ADGRB3: variants seen among roughly 807,000 people sequenced by gnomAD.
ADGRB3 encodes brain-specific angiogenesis inhibitor 3.
A neutral mutation model predicts 193.4 loss-of-function variants in ADGRB3; 37 were observed. That is an observed-to-expected ratio of 0.19 (90% confidence interval 0.15 to 0.25). ADGRB3 has a LOEUF of 0.25. Ranked by LOEUF, ADGRB3 falls within the 10% of genes least tolerant of loss-of-function variation. The pLI is 1.00. For synonymous variants in ADGRB3, 690 were observed against 644.2 expected (o/e 1.07, Z -1.08); for missense variants, 1,637 against 1,852.9 (o/e 0.88, Z 2.14).
chr6:69,167,192 A>G (rs79569436), intron 17 of ADGRB3, among the ~76,000 whole-genome samples: 228 of 152,250 alleles, frequency 1.5e-3, no homozygotes, highest in African/African-American at 5.1e-3. Flanking sequence ...TGCAAACTGT[A>G]TAGATAATTG....
chr6:69,058,827 C>T (rs2150306148), intron 15 of ADGRB3, among the ~76,000 whole-genome samples: 1 of 152,120 alleles, frequency 6.6e-6, no homozygotes, highest in African/African-American at 2.4e-5. Flanking sequence ...AGATTTCACT[C>T]TTCTTCAATT....
At chr6:68,832,715 A>G (rs138757440) in intron 3 of ADGRB3, among the ~76,000 whole-genome samples, 1,595 of 152,266 alleles carry the variant, frequency 0.01, 26 homozygotes, top group African/African-American at 0.036. Flanking sequence ...CATGGCCACA[A>G]ATTCACTCTC....
chr6:68,647,194 A>AT (rs1378630323), intron 3 of ADGRB3, among the ~76,000 whole-genome samples: 1 of 152,126 alleles, frequency 6.6e-6, no homozygotes, highest in Non-Finnish European at 1.5e-5. Context: ...TCACTGAGGT[A>AT]TTTTTCATTA....
intron 3 of ADGRB3, among the ~76,000 whole-genome samples, chr6:68,649,811 A>G (rs1034632974): frequency 1.3e-5 from 2 of 152,134 alleles, no homozygotes; most frequent in Admixed American, 6.6e-5. Flanking sequence ...CTCGCCTTGC[A>G]TTGCTGTGGG....
intron 3 of ADGRB3, among the ~76,000 whole-genome samples, chr6:68,874,910 C>G (rs916554708): frequency 2.0e-5 from 3 of 152,114 alleles, no homozygotes; most frequent in Non-Finnish European, 4.4e-5. Flanking sequence ...AAAGAGTGCT[C>G]TAGTAGTAGG....
At chr6:69,155,470 C>T (rs967950983) in intron 17 of ADGRB3, among the ~76,000 whole-genome samples, 8 of 152,166 alleles carry the variant, frequency 5.3e-5, no homozygotes, top group Middle Eastern at 3.4e-3. Context: ...CATCATGTAC[C>T]ACAGGGAATA....
intron 3 of ADGRB3, among the ~76,000 whole-genome samples, chr6:68,717,589 G>A (rs1765509246): frequency 6.6e-6 from 1 of 151,478 alleles, no homozygotes; most frequent in South Asian, 2.1e-4. Flanking sequence ...TCCTGTACTG[G>A]GAAAGCGCTG....
intron 20 of ADGRB3, among the ~76,000 whole-genome samples, chr6:69,318,072 T>C (rs1452792329): frequency 2.0e-5 from 3 of 151,372 alleles, no homozygotes; most frequent in Non-Finnish European, 4.4e-5. Context: ...ATCTTTATTT[T>C]TGTCTTTTCT....
chr6:69,116,516 T>C (rs550887908), intron 17 of ADGRB3, among the ~76,000 whole-genome samples: 2 of 152,280 alleles, frequency 1.3e-5, no homozygotes, highest in South Asian at 2.1e-4. Flanking sequence ...TAAAGTTGTG[T>C]GAAATAAAAT....
At chr6:68,847,180 C>A (rs991111483) in intron 3 of ADGRB3, among the ~76,000 whole-genome samples, 2 of 152,132 alleles carry the variant, frequency 1.3e-5, no homozygotes, top group Non-Finnish European at 1.5e-5. Flanking sequence ...AATACCCATA[C>A]CCCTATTGTA....
chr6:69,090,372 C>G (rs1772670347), intron 17 of ADGRB3, among the ~76,000 whole-genome samples: 2 of 152,146 alleles, frequency 1.3e-5, no homozygotes, highest in Non-Finnish European at 2.9e-5. Context: ...TGAGTGATGT[C>G]ATTGGACAGG....
intron 13 of ADGRB3, among the ~76,000 whole-genome samples, chr6:69,039,431 G>A (rs578123847): frequency 4.6e-5 from 7 of 152,100 alleles, no homozygotes; most frequent in Admixed American, 6.6e-5. Flanking sequence ...GAGGGCTACC[G>A]TATGTCTAAG....
chr6:68,935,053 A>C (rs1035601034), intron 4 of ADGRB3, among the ~76,000 whole-genome samples: 1 of 152,172 alleles, frequency 6.6e-6, no homozygotes, highest in Non-Finnish European at 1.5e-5. Context: ...ATGGTCATCT[A>C]TGCCTCTTGG....
rs956596624 is a variant in ADGRB3 at position 69,074,537 on chromosome 6, CTTTTTTTTTTTTT to C, written c.2437-1449_2437-1437del. Among the ~76,000 whole-genome samples the C allele has an allele frequency of 8.6e-5, 10 of 115,886 alleles. No individual in the cohort carries two copies. In the Admixed American group the frequency reaches 8.8e-4, roughly 10 times the overall value. 76.0% of individuals were successfully genotyped at this position (115,886 alleles called of 152,430 possible). A position where few individuals can be genotyped will look rare whatever the true frequency, so the allele number is the denominator to read the frequency against. On this transcript the variant is annotated intron_variant, in intron 16 of 31. Coordinates refer to ENST00000370598, the MANE Select transcript of ADGRB3 (RefSeq NM_001704.3). Reference sequence around the variant, plus strand: ...GGCAGTGGCCTGTTTCAGGACTGTACTTTTTTTTTTTTTTTTTTTTTGAGACAGAGTCTTGCTC... The same window carrying C: ...GGCAGTGGCCTGTTTCAGGACTGTACTTTTTTTTGAGACAGAGTCTTGCTC...
chr6:69,382,675 T>C (rs1039282087), intron 30 of ADGRB3, among the ~76,000 whole-genome samples, 156 bp from the exon 31 acceptor site: 4 of 151,924 alleles, frequency 2.6e-5, no homozygotes, highest in Non-Finnish European at 5.9e-5. Context: ...GAGACAATGA[T>C]TTGCTGCAAC....
intron 3 of ADGRB3, among the ~76,000 whole-genome samples, chr6:68,762,192 G>A (rs1766405113): frequency 1.3e-5 from 2 of 152,024 alleles, no homozygotes; most frequent in East Asian, 1.9e-4. Flanking sequence ...CTCATCTTCT[G>A]TCTTGTTCAA....
At chr6:69,268,813 T>C (rs1005703581) in intron 20 of ADGRB3, among the ~76,000 whole-genome samples, 2 of 152,138 alleles carry the variant, frequency 1.3e-5, no homozygotes, top group Non-Finnish European at 2.9e-5. Context: ...CAAAATGGGC[T>C]GGCCGGGTCT....
chr6:69,121,912 A>G (rs1274758765), intron 17 of ADGRB3, among the ~76,000 whole-genome samples: 1 of 146,538 alleles, frequency 6.8e-6, no homozygotes, highest in East Asian at 2.0e-4. Context: ...GGCCAGGTGG[A>G]AGCGCTCCTC....
chr6:68,920,803 T>A (rs917384363), intron 3 of ADGRB3, among the ~76,000 whole-genome samples: 6 of 151,414 alleles, frequency 4.0e-5, no homozygotes, highest in African/African-American at 1.2e-4. Flanking sequence ...TAAAAAAAAA[T>A]CTAATAGTTA....
Sources: gnomAD v4.1 joint callset for allele counts (sites outside exome capture counted in the v4.1 genomes callset) on GRCh38, gnomAD v4.1.1 for gene constraint, MANE v1.5 for transcripts, NCBI Gene and HGNC (gene_info 2026-07-23, HGNC 2026-07-21) for gene names.